TGFBRAP1: variants seen among roughly 807,000 people sequenced by gnomAD.
The protein encoded by TGFBRAP1 is transforming growth factor beta receptor associated protein 1.
In TGFBRAP1, 20 loss-of-function variants were observed where a neutral mutation model predicts 83.2. The ratio of observed to expected loss-of-function variants is 0.24; its 90% CI spans 0.17 to 0.35. The LOEUF is 0.35. TGFBRAP1 is among the 10% of genes least tolerant of loss of function. The probability of loss-of-function intolerance (pLI) is 1.00; values close to 1 mark genes in which losing one functional copy is unlikely to be tolerated. For missense variants in TGFBRAP1, 950 were observed against 1,099.4 expected, an observed-to-expected ratio of 0.86 and a Z score of 1.92; for synonymous variants, 415 against 459.8, an observed-to-expected ratio of 0.90 and a Z score of 1.25.
chr2:105,282,315 GAC>G (rs1677566452), intron 5 of TGFBRAP1, among the ~76,000 whole-genome samples: 2 of 152,192 alleles, frequency 1.3e-5, no homozygotes, highest in African/African-American at 4.8e-5. Context: ...TAAAGGAAGA[GAC>G]ACAGAGCCCA....
At chr2:105,272,719 CT>C in intron 10 of TGFBRAP1, 135 bp downstream of exon 10, 1 of 1,193,028 alleles carries the variant, frequency 8.4e-7, no homozygotes, top group Non-Finnish European at 1.1e-6. Flanking sequence ...TTAAAAAAAT[CT>C]TTTTAAAAAA....
At chr2:105,270,351 T>A (rs1677112209) in intron 10 of TGFBRAP1, among the ~76,000 whole-genome samples, 1 of 152,166 alleles carries the variant, frequency 6.6e-6, no homozygotes, top group African/African-American at 2.4e-5. Context: ...GGCCCCACCC[T>A]TAGTGGGCTG....
the TGFBRAP1 span, among the ~76,000 whole-genome samples, chr2:105,253,904 C>T: frequency 6.6e-6 from 1 of 152,154 alleles, no homozygotes; most frequent in African/African-American, 2.4e-5. Context: ...AAATTCAGAT[C>T]ATACAGCATC....
chr2:105,258,730 TACACACACACACACACAC>T, the TGFBRAP1 span, among the ~76,000 whole-genome samples: 8 of 140,614 alleles, frequency 5.7e-5, no homozygotes, highest in South Asian at 1.4e-3. Context: ...TCCCCACCCC[TACACACACACACACACAC>T]ACACACACAC....
At chr2:105,288,586 A>G (rs565663838) in intron 4 of TGFBRAP1, among the ~76,000 whole-genome samples, 1 of 152,338 alleles carries the variant, frequency 6.6e-6, no homozygotes, top group African/African-American at 2.4e-5. Context: ...ACAGGAATAT[A>G]TGAGACATAA....
At chr2:105,325,506 T>A (rs1204796032) in intron 1 of TGFBRAP1, among the ~76,000 whole-genome samples, 1 of 152,188 alleles carries the variant, frequency 6.6e-6, no homozygotes, top group Non-Finnish European at 1.5e-5. Context: ...GGAACAAGTA[T>A]GATTTCAGAT....
At chr2:105,298,764 G>A in intron 2 of TGFBRAP1, 59 bp from the exon 3 acceptor site, 1 of 1,489,786 alleles carries the variant, frequency 6.7e-7, no homozygotes. Flanking sequence ...TCATTTTCCT[G>A]TAGCTATGTC....
chr2:105,328,537 G>A (rs770594924), intron 1 of TGFBRAP1, among the ~76,000 whole-genome samples: 4 of 152,326 alleles, frequency 2.6e-5, no homozygotes, highest in Non-Finnish European at 5.9e-5. Context: ...CCATGAGAGA[G>A]TAGCAGCCAC....
the TGFBRAP1 span, among the ~76,000 whole-genome samples, chr2:105,251,335 C>T: frequency 1.3e-5 from 2 of 148,816 alleles, no homozygotes; most frequent in Admixed American, 6.7e-5. Flanking sequence ...CGTCTCTGCC[C>T]GGCCGCCCAT....
At chr2:105,309,066 C>T (rs941963175) in intron 1 of TGFBRAP1, among the ~76,000 whole-genome samples, 1 of 152,190 alleles carries the variant, frequency 6.6e-6, no homozygotes, top group East Asian at 1.9e-4. Context: ...GTGGACCGAC[C>T]GGTCCCTGGC....
chr2:105,268,434 A>G (rs1228783517), intron 11 of TGFBRAP1, among the ~76,000 whole-genome samples: 1 of 152,238 alleles, frequency 6.6e-6, no homozygotes, highest in Admixed American at 6.5e-5. Context: ...GGCTTCACCA[A>G]GGGAAAAAAA....
chr2:105,312,155 T>C (rs1227049550), intron 1 of TGFBRAP1, among the ~76,000 whole-genome samples: 1 of 152,076 alleles, frequency 6.6e-6, no homozygotes, highest in Non-Finnish European at 1.5e-5. Flanking sequence ...GATCTCAAAA[T>C]GATCGAAAAT....
the TGFBRAP1 span, among the ~76,000 whole-genome samples, chr2:105,253,758 T>C: frequency 2.0e-5 from 3 of 152,156 alleles, no homozygotes; most frequent in Non-Finnish European, 2.9e-5. Flanking sequence ...AAATTTTATC[T>C]CCTGATTCTT....
rs1378048161 is a variant in TGFBRAP1 at position 105,264,990 on chromosome 2, A to C, written c.*2393T>G. 6.6e-6 allele frequency: 1 copy of C among 152,236 alleles called. No individual in the cohort carries two copies. The highest frequency in any genetic ancestry group is 1.9e-4 in the East Asian group (1 of 5,198). The allele number at this position is 152,236 out of a possible 1,614,324, so 9.4% of individuals were successfully genotyped here. ...ATATGATTTGAGAAAAGGGCCTTGTAGGAGTGAGAGAAAGGTTAGAGAAAA... is the reference window on the plus strand; with the variant it reads ...ATATGATTTGAGAAAAGGGCCTTGTCGGAGTGAGAGAAAGGTTAGAGAAAA... On this transcript the variant is annotated 3_prime_UTR_variant, in exon 12 of 12. Coordinates refer to ENST00000393359, the MANE Select transcript of TGFBRAP1 (RefSeq NM_004257.6).
the TGFBRAP1 span, among the ~76,000 whole-genome samples, chr2:105,255,869 C>T: frequency 1.3e-5 from 2 of 152,032 alleles, no homozygotes; most frequent in Non-Finnish European, 2.9e-5. Context: ...GACCACATTC[C>T]CCACCCCTTC....
intron 4 of TGFBRAP1, among the ~76,000 whole-genome samples, chr2:105,290,615 CAGTGTG>C (rs1340942206): frequency 2.6e-4 from 27 of 103,864 alleles, no homozygotes; most frequent in South Asian, 9.6e-4. Flanking sequence ...AACAGAGAGA[CAGTGTG>C]TGTGTGTGTG....
chr2:105,269,628 G>A lies in TGFBRAP1; in HGVS notation c.2050C>T (p.His684Tyr). 1 of 1,602,278 alleles carries A rather than the reference G, an allele frequency of 6.2e-7. No individual in the cohort carries two copies. Among genetic ancestry groups the A allele is most frequent in the Admixed American group, 1.7e-5 (1 of 59,678 alleles). ...TCCTGCAGCTCGTGCACCAGGATAT[G>A]CAGCGCCTTCTCATGCTCGCCCAGC... is the stretch of plus-strand genomic sequence containing the variant. ...GKLGEHEKAL[H>Y]ILVHELQDFA... The change falls in exon 11 of 12, where the codon CAT becomes TAT. Residue 684 changes from histidine (H) to tyrosine (Y), a missense_variant. By Grantham distance (83) the His-to-Tyr change is moderately conservative. Coordinates refer to ENST00000393359, the MANE Select transcript of TGFBRAP1 (RefSeq NM_004257.6). The surrounding 1 kb of genome is among the most constrained non-coding windows in gnomAD (Gnocchi z 4.1).
intron 5 of TGFBRAP1, among the ~76,000 whole-genome samples, chr2:105,283,211 G>C (rs1677603020): frequency 6.6e-6 from 1 of 152,170 alleles, no homozygotes; most frequent in Non-Finnish European, 1.5e-5. Flanking sequence ...TGTAAGAGTT[G>C]TACAAGAAAA....
chr2:105,283,729 C>G (rs1285784313), intron 5 of TGFBRAP1, among the ~76,000 whole-genome samples: 2 of 152,240 alleles, frequency 1.3e-5, no homozygotes, highest in East Asian at 3.9e-4. Flanking sequence ...GTGTGGCGGG[C>G]AGGGGAAAGG....
Sources: allele counts gnomAD v4.1 joint callset (sites outside exome capture counted in the v4.1 genomes callset), GRCh38; gene constraint gnomAD v4.1.1; non-coding constraint Gnocchi (gnomAD v3.1); transcripts MANE v1.5; gene names NCBI Gene and HGNC (gene_info 2026-07-23, HGNC 2026-07-21).